ASIC2: variants seen among roughly 807,000 people sequenced by gnomAD.
The protein encoded by ASIC2 is acid-sensing ion channel 2.
In ASIC2, 25 loss-of-function variants were observed where a neutral mutation model predicts 57.3. That is an observed-to-expected ratio of 0.44 (90% CI 0.32 to 0.61). The LOEUF (loss-of-function observed/expected upper bound fraction) is 0.61, where lower values mean the gene tolerates loss of function less well. Among genes scored for constraint, ASIC2 ranks in the 20% least tolerant of loss-of-function variants. The pLI, the probability that ASIC2 is intolerant of heterozygous loss-of-function variation, is 0.06. For synonymous variants in ASIC2, 319 were observed against 307.5 expected, an observed-to-expected ratio of 1.04 and a Z score of -0.39; for missense variants, 641 against 738.1, an observed-to-expected ratio of 0.87 and a Z score of 1.52.
chr17:34,082,096 G>A (rs928842304), intron 1 of ASIC2: 1 of 152,058 alleles, frequency 6.6e-6, no homozygotes, highest in Admixed American at 6.6e-5. Context: ...TTTCATCCAC[G>A]AATACAAATC....
At chr17:33,036,385 G>A (rs183635938) in intron 3 of ASIC2, among the ~76,000 whole-genome samples, 6 of 152,060 alleles carry the variant, frequency 3.9e-5, no homozygotes, top group Non-Finnish European at 8.8e-5. Flanking sequence ...AAATCGATGG[G>A]AGGGATGGAG....
At chr17:33,897,717 A>T (rs945132047) in intron 1 of ASIC2, among the ~76,000 whole-genome samples, 2 of 152,222 alleles carry the variant, frequency 1.3e-5, no homozygotes, top group Admixed American at 6.5e-5. Flanking sequence ...TGTATCTGAA[A>T]TTCTAGTTTC....
intron 1 of ASIC2, among the ~76,000 whole-genome samples, chr17:33,622,077 T>C (rs1905819604): frequency 6.6e-6 from 1 of 152,028 alleles, no homozygotes; most frequent in Non-Finnish European, 1.5e-5. Context: ...TTTCTCTCCC[T>C]TTCTTCCTTT....
chr17:33,640,237 A>C lies in ASIC2; in HGVS notation c.555+515741T>G, dbSNP rs553540418. Among the ~76,000 whole-genome samples, 40 of 152,236 alleles carry C rather than the reference A, an allele frequency of 2.6e-4. No individual in the cohort carries two copies. In the South Asian group the frequency reaches 7.9e-3, roughly 30 times the overall value. On this transcript the variant is annotated intron_variant, in intron 1 of 9. Transcript: ENST00000359872. ...AGAGAGAGGAGAGAGAAAAGCTGCCATGGGGGCTGAGGGAGTTTTGGGGGT... is the reference window on the plus strand; with the variant it reads ...AGAGAGAGGAGAGAGAAAAGCTGCCCTGGGGGCTGAGGGAGTTTTGGGGGT...
At chr17:33,885,856 A>G (rs1465459053) in intron 1 of ASIC2, among the ~76,000 whole-genome samples, 2 of 152,196 alleles carry the variant, frequency 1.3e-5, no homozygotes, top group Non-Finnish European at 2.9e-5. Context: ...TGAAGTCAGT[A>G]TTCAGATGAA....
intron 1 of ASIC2, among the ~76,000 whole-genome samples, chr17:33,543,892 A>G (rs1323409634): frequency 6.6e-6 from 1 of 152,224 alleles, no homozygotes; most frequent in Non-Finnish European, 1.5e-5. Context: ...AATAATTTAT[A>G]TACAGTAAAG....
chr17:33,578,728 G>C lies in ASIC2; in HGVS notation c.556-466661C>G, dbSNP rs141073067. 8.1e-3 allele frequency among the ~76,000 whole-genome samples: 1,233 copies of C among 152,254 alleles called. 18 individuals carry two copies. The highest frequency in any genetic ancestry group is 0.027 in the African/African-American group (1,130 of 41,552). On this transcript the variant is annotated intron_variant, in intron 1 of 9. Coordinates refer to the ASIC2 transcript ENST00000359872. ...ACTGACCCGGCTTGACCTTGACAGA[G>C]GGGGCACTAATGGCTTTTCAATACA...
chr17:33,361,089 A>G (rs555368872), intron 1 of ASIC2, among the ~76,000 whole-genome samples: 1 of 152,316 alleles, frequency 6.6e-6, no homozygotes, highest in South Asian at 2.1e-4. Context: ...CTTTGGGCTC[A>G]CTCGCTATTG....
At chr17:34,000,643 G>A (rs1483352617) in intron 1 of ASIC2, 1 of 152,160 alleles carries the variant, frequency 6.6e-6, no homozygotes, top group Non-Finnish European at 1.5e-5. Context: ...GAAGTTTTAT[G>A]TCACCATTTA....
chr17:33,578,228 G>C (rs554956600), intron 1 of ASIC2, among the ~76,000 whole-genome samples: 3 of 152,246 alleles, frequency 2.0e-5, no homozygotes, highest in Admixed American at 6.5e-5. Context: ...GAGACGTTCT[G>C]AATGCCCTTA....
At chr17:34,050,201 T>C (rs572309528) in intron 1 of ASIC2, among the ~76,000 whole-genome samples, 57 of 152,324 alleles carry the variant, frequency 3.7e-4, no homozygotes, top group Middle Eastern at 3.4e-3. Flanking sequence ...TCTTCTCTCA[T>C]GAGACAAGAG....
At chr17:33,123,826 CCTG>C (rs889842630) in intron 1 of ASIC2, among the ~76,000 whole-genome samples, 27 of 152,146 alleles carry the variant, frequency 1.8e-4, no homozygotes, top group Admixed American at 1.8e-3. Context: ...TCATTACACA[CCTG>C]CTGGGAATAT....
chr17:33,031,742 A>G (rs914352459), intron 3 of ASIC2, among the ~76,000 whole-genome samples: 7 of 152,074 alleles, frequency 4.6e-5, no homozygotes, highest in African/African-American at 1.7e-4. Flanking sequence ...TTCTCCCTTT[A>G]GTTTTCTCAA....
At chr17:33,456,604 T>A (rs962022133) in intron 1 of ASIC2, among the ~76,000 whole-genome samples, 3 of 152,224 alleles carry the variant, frequency 2.0e-5, no homozygotes, top group Non-Finnish European at 4.4e-5. Flanking sequence ...ATTCCTTCTC[T>A]TTTAACTATG....
chr17:33,672,040 A>G (rs1007937977), intron 1 of ASIC2, among the ~76,000 whole-genome samples: 3 of 152,162 alleles, frequency 2.0e-5, no homozygotes, highest in African/African-American at 4.8e-5. Flanking sequence ...AAAGCCAAGA[A>G]AAAAAATTTC....
intron 1 of ASIC2, among the ~76,000 whole-genome samples, chr17:33,836,894 A>G (rs559640454): frequency 2.6e-5 from 4 of 152,320 alleles, no homozygotes; most frequent in African/African-American, 9.6e-5. Flanking sequence ...GTCACAAAAC[A>G]AAAAAGATGA....
intron 1 of ASIC2, among the ~76,000 whole-genome samples, chr17:33,789,442 G>A: frequency 6.7e-6 from 1 of 148,492 alleles, no homozygotes; most frequent in East Asian, 2.0e-4. Context: ...CTTTATTTGT[G>A]AGATTTAGCA....
At chr17:33,188,856 A>G (rs1231228034) in intron 1 of ASIC2, among the ~76,000 whole-genome samples, 1 of 152,218 alleles carries the variant, frequency 6.6e-6, no homozygotes, top group Admixed American at 6.5e-5. Context: ...GTTTGAATTT[A>G]CATAAGGAAT....
At chr17:33,978,046 AG>A (rs1905460186) in intron 1 of ASIC2, among the ~76,000 whole-genome samples, 1 of 152,148 alleles carries the variant, frequency 6.6e-6, no homozygotes, top group African/African-American at 2.4e-5. Context: ...CAGCCCTTGA[AG>A]GTGGGGCAGG....
Sources: gnomAD v4.1 joint callset for allele counts (sites outside exome capture counted in the v4.1 genomes callset) on GRCh38, gnomAD v4.1.1 for gene constraint, MANE v1.5 for transcripts, NCBI Gene and HGNC (gene_info 2026-07-23, HGNC 2026-07-21) for gene names.